The following IGDCC4 variants were observed in gnomAD, a reference collection of about 807,000 sequenced individuals.
IGDCC4 encodes immunoglobulin superfamily DCC subclass member 4, also known as likely ortholog of mouse neighbor of Punc E11.
IGDCC4 carries 72 observed loss-of-function variants against 116.6 expected under a neutral mutation model. The ratio of observed to expected loss-of-function variants is 0.62; its 90% CI spans 0.51 to 0.75. IGDCC4 has a LOEUF of 0.75. Among genes scored for constraint, IGDCC4 ranks in the 30% least tolerant of loss-of-function variants. The pLI is 0.00. For missense variants in IGDCC4, 1,501 were observed against 1,662.4 expected (o/e 0.90, Z 1.69); for synonymous variants, 709 against 719.9 (o/e 0.98, Z 0.24).
chr15:65,394,323 C>G (rs1327883645), intron 9 of IGDCC4, 88 bp downstream of exon 9: 29 of 1,585,890 alleles, frequency 1.8e-5, no homozygotes, highest in Non-Finnish European at 2.2e-5. Context: ...CTCCGACTCC[C>G]GTACCCTGCT....
chr15:65,408,946 G>T (rs148461123), intron 3 of IGDCC4, among the ~76,000 whole-genome samples: 5 of 150,200 alleles, frequency 3.3e-5, no homozygotes, highest in African/African-American at 1.2e-4. Context: ...AAGTGATCTC[G>T]CTCAGCCTTC....
intron 18 of IGDCC4, 107 bp downstream of exon 18, chr15:65,385,724 C>G: frequency 1.1e-6 from 1 of 940,256 alleles, no homozygotes; most frequent in Non-Finnish European, 1.7e-6. Context: ...CGTCCGCAGC[C>G]GGCTCCGAAG....
chr15:65,409,446 G>GT (rs2140230368), intron 3 of IGDCC4, among the ~76,000 whole-genome samples: 2 of 152,248 alleles, frequency 1.3e-5, no homozygotes, highest in African/African-American at 4.8e-5. Context: ...CCAAAGATAC[G>GT]TAAGAATCCA....
At chr15:65,405,903 C>T (rs186405376) in intron 3 of IGDCC4, among the ~76,000 whole-genome samples, 481 of 152,316 alleles carry the variant, frequency 3.2e-3, no homozygotes, top group African/African-American at 0.011. Flanking sequence ...GCCACTTGGG[C>T]CCCGAGGATT....
intron 3 of IGDCC4, 21 bp from the exon 4 acceptor site, chr15:65,402,508 C>T (rs1344991609): frequency 1.9e-6 from 3 of 1,561,890 alleles, no homozygotes; most frequent in Non-Finnish European, 1.7e-6. Context: ...GGGGAGCAGG[C>T]AACTGTGAGG....
chr15:65,394,653 G>T, intron 8 of IGDCC4, 105 bp from the exon 9 acceptor site: 1 of 1,151,722 alleles, frequency 8.7e-7, no homozygotes. Context: ...TCAGAAGTAG[G>T]CCAGGACCAG....
intron 1 of IGDCC4, among the ~76,000 whole-genome samples, chr15:65,416,052 C>T (rs2063139530): frequency 6.6e-6 from 1 of 151,188 alleles, no homozygotes; most frequent in South Asian, 2.1e-4. Flanking sequence ...AGTCTCCAAA[C>T]TTCTCAAACG....
At chr15:65,416,602 C>A (rs1477903497) in intron 1 of IGDCC4, among the ~76,000 whole-genome samples, 4 of 152,046 alleles carry the variant, frequency 2.6e-5, no homozygotes, top group Non-Finnish European at 5.9e-5. Context: ...ACCCCCAGCC[C>A]ACTGTCATGG....
At chr15:65,394,677 A>T in intron 8 of IGDCC4, 129 bp from the exon 9 acceptor site, 1 of 923,556 alleles carries the variant, frequency 1.1e-6, no homozygotes, top group Non-Finnish European at 1.6e-6. Flanking sequence ...CTGAGGGAGG[A>T]AAGGGAGCTT....
chr15:65,393,254 G>T lies in IGDCC4; in HGVS notation c.1885+107C>A. ...CATCAAGCGGAGGGAGCCATGGAAGGTCTCTGATGGAGGGCGGGGCCAGGG... is the reference window on the plus strand; with the variant it reads ...CATCAAGCGGAGGGAGCCATGGAAGTTCTCTGATGGAGGGCGGGGCCAGGG... On this transcript the variant is annotated intron_variant, in intron 10 of 19. Coordinates refer to ENST00000352385, the MANE Select transcript of IGDCC4 (RefSeq NM_020962.3). The surrounding 1 kb of genome is among the most constrained non-coding windows in gnomAD (Gnocchi z 4.6). 1 of 1,217,486 alleles carries T rather than the reference G, an allele frequency of 8.2e-7. No individual in the cohort carries two copies. The highest frequency in any genetic ancestry group is 1.1e-6 in the Non-Finnish European group (1 of 909,754). The allele number at this position is 1,217,486 out of a possible 1,614,324, so 75.4% of individuals were successfully genotyped here.
intron 16 of IGDCC4, among the ~76,000 whole-genome samples, chr15:65,387,938 C>T (rs114120067): frequency 0.01 from 1,552 of 151,730 alleles, 29 homozygotes; most frequent in African/African-American, 0.036. Context: ...GGTGAAAACC[C>T]GTCTTTACTA....
Position 65,395,163 on chromosome 15 carries a change from C to A in IGDCC4, c.1507G>T (p.Val503Leu), listed in dbSNP as rs554878224. 5.2e-5 allele frequency: 84 copies of A among 1,614,018 alleles called. No homozygotes were observed. In the Middle Eastern group the frequency reaches 1.2e-3, roughly 22 times the overall value. The change falls in exon 8 of 20, where the codon GTG (valine) becomes TTG (leucine). Residue 503 changes from valine (V) to leucine (L), a missense_variant. Physicochemically the swap from Val to Leu is conservative, Grantham distance 32 (BLOSUM62 1). Around this residue, in one of 3 missense-constraint regions of IGDCC4, gnomAD observed 898 missense variants for 978.9 expected, o/e 0.92. Coordinates refer to ENST00000352385, the MANE Select transcript of IGDCC4 (RefSeq NM_020962.3). The part of the protein sequence containing the change: ...LEPNTDYEFY[V>L]VAYSQLGASR... ...GCTCCCAGCTGGGAGTAGGCCACCA[C>A]GTAGAACTCATAATCTGTGTTGGGT...
Position 65,402,391 on chromosome 15 carries a change from C to T in IGDCC4, c.660G>A (p.Gln220=), listed in dbSNP as rs1449622611. The change falls in exon 4 of 20, where the codon CAG becomes CAA. Residue 220 remains glutamine (Q), a synonymous_variant. Transcript: ENST00000352385. ...YRCVATNSAR[Q]HFSQEALLSV... is the part of the protein sequence containing the mutation. ...TGAGTAGGGCCTCCTGGCTGAAGTG[C>T]TGGCGAGCTGAGTTGGTGGCCACGC... The T allele has an allele frequency of 6.4e-7, 1 of 1,571,352 alleles. No individual in the cohort carries two copies. Among genetic ancestry groups the T allele is most frequent in the South Asian group, 1.2e-5 (1 of 85,346 alleles).
intron 1 of IGDCC4, 113 bp downstream of exon 1, chr15:65,422,680 C>T: frequency 1.2e-6 from 1 of 861,550 alleles, no homozygotes; most frequent in Non-Finnish European, 1.5e-6. Context: ...CGCGCAGCCC[C>T]CGCACTTGCT....
intron 5 of IGDCC4, among the ~76,000 whole-genome samples, chr15:65,398,413 A>G (rs2062947313): frequency 6.6e-6 from 1 of 151,884 alleles, no homozygotes; most frequent in African/African-American, 2.4e-5. Context: ...GCATGCCTGT[A>G]ATCCCAGCTA....
At chr15:65,418,582 T>A (rs1209671620) in intron 1 of IGDCC4, among the ~76,000 whole-genome samples, 1 of 152,154 alleles carries the variant, frequency 6.6e-6, no homozygotes, top group Non-Finnish European at 1.5e-5. Context: ...GGCAGCCCAG[T>A]TGGCACAGGT....
chr15:65,386,430 G>C (rs1052946804), intron 17 of IGDCC4, 121 bp downstream of exon 17: 4 of 836,980 alleles, frequency 4.8e-6, no homozygotes, highest in Non-Finnish European at 7.8e-6. Context: ...CCAGAGTCCT[G>C]ACTTTAACGG....
intron 1 of IGDCC4, among the ~76,000 whole-genome samples, chr15:65,420,180 C>A (rs1047001848): frequency 1.3e-5 from 2 of 152,196 alleles, no homozygotes; most frequent in African/African-American, 4.8e-5. Flanking sequence ...CTCCTGACTT[C>A]ACGTGATCCG....
chr15:65,392,117 C>A lies in IGDCC4; in HGVS notation c.2122+17G>T. The A allele has an allele frequency of 6.5e-7, 1 of 1,540,268 alleles. No homozygotes were observed. ...GAAGCTACATCCCTCCCTCCCCCTCCCCCCAGCCCTCCTCACCTAGCTGGG... is the reference window on the plus strand; with the variant it reads ...GAAGCTACATCCCTCCCTCCCCCTCACCCCAGCCCTCCTCACCTAGCTGGG... On this transcript the variant is annotated intron_variant, in intron 11 of 19. Transcript: ENST00000352385.
Sources: gnomAD v4.1 joint callset for allele counts (sites outside exome capture counted in the v4.1 genomes callset) on GRCh38, gnomAD v4.1.1 for gene constraint, gnomAD v4.1.1 regional missense constraint, Gnocchi (gnomAD v3.1) non-coding constraint, MANE v1.5 for transcripts, NCBI Gene and HGNC (gene_info 2026-07-23, HGNC 2026-07-21) for gene names.